The following TBC1D22A variants were observed in gnomAD, a reference collection of about 807,000 sequenced individuals.
The protein encoded by TBC1D22A is putative GTPase activator.
Under a neutral mutation model 60.2 loss-of-function variants are expected in TBC1D22A, and 38 were observed. The ratio of observed to expected loss-of-function variants is 0.63; its 90% CI spans 0.49 to 0.83. TBC1D22A has a LOEUF of 0.83. Among genes scored for constraint, TBC1D22A ranks in the 40% least tolerant of loss-of-function variants. TBC1D22A has a pLI of 0.00. For synonymous variants in TBC1D22A, 302 were observed against 281.7 expected (o/e 1.07, Z -0.72); for missense variants, 628 against 701.0 (o/e 0.90, Z 1.18).
chr22:47,115,792 A>G (rs749681020), intron 12 of TBC1D22A: 1 of 152,254 alleles, frequency 6.6e-6, no homozygotes, highest in African/African-American at 2.4e-5. Context: ...CCCACGCGGA[A>G]ACCTTCTGTG....
At chr22:46,854,334 C>T (rs532848243) in intron 4 of TBC1D22A, among the ~76,000 whole-genome samples, 10 of 152,278 alleles carry the variant, frequency 6.6e-5, no homozygotes, top group South Asian at 2.1e-4. Context: ...AACCAGTGCA[C>T]GGCGCAGACA....
chr22:46,796,662 G>A (rs912537415), intron 3 of TBC1D22A, among the ~76,000 whole-genome samples: 3 of 144,076 alleles, frequency 2.1e-5, no homozygotes, highest in Admixed American at 7.3e-5. Flanking sequence ...GGAACGTGCT[G>A]TCTCACCACC....
intron 8 of TBC1D22A, among the ~76,000 whole-genome samples, chr22:46,924,395 T>G (rs1204821127): frequency 1.3e-5 from 2 of 152,244 alleles, no homozygotes; most frequent in Non-Finnish European, 2.9e-5. Flanking sequence ...CATTTTCTCT[T>G]AAATTACTCT....
At position 47,153,760 on chromosome 22, in the gene TBC1D22A, GA is replaced by G. The variant is rs372575339; in HGVS notation, c.1426-19737del. On this transcript the variant is annotated intron_variant, in intron 12 of 12. Coordinates refer to ENST00000337137, the MANE Select transcript of TBC1D22A (RefSeq NM_014346.5). ...GCACAGGGCAAGGTCAGAGAAGAAG[GA>G]GAAGAAACTGGGGACGATGTCTGCA... Among the ~76,000 whole-genome samples the G allele has an allele frequency of 2.4e-3, 358 of 152,330 alleles. 2 individuals are homozygous for G. Among genetic ancestry groups the G allele is most frequent in the African/African-American group, 7.4e-3 (308 of 41,580 alleles).
At chr22:46,943,111 A>C (rs1252738789) in intron 8 of TBC1D22A, among the ~76,000 whole-genome samples, 9 of 152,166 alleles carry the variant, frequency 5.9e-5, no homozygotes, top group Admixed American at 5.9e-4. Flanking sequence ...AGAATTATGA[A>C]GGAGGAGAGA....
intron 9 of TBC1D22A, among the ~76,000 whole-genome samples, chr22:46,994,400 C>T (rs985111580): frequency 5.9e-5 from 9 of 152,172 alleles, no homozygotes; most frequent in African/African-American, 9.7e-5. Context: ...AACCCACCTT[C>T]GCCTCTCCCC....
intron 4 of TBC1D22A, among the ~76,000 whole-genome samples, chr22:46,843,566 A>G (rs1041181119): frequency 1.3e-5 from 2 of 152,012 alleles, no homozygotes; most frequent in Non-Finnish European, 2.9e-5. Flanking sequence ...CTTTACACCC[A>G]TCCAGCAAGT....
intron 11 of TBC1D22A, among the ~76,000 whole-genome samples, chr22:47,077,054 A>G (rs1212404712): frequency 2.6e-5 from 4 of 152,220 alleles, no homozygotes; most frequent in African/African-American, 7.2e-5. Context: ...TATTGGCAAA[A>G]TGTAATCACA....
At chr22:46,815,994 C>T (rs764328618) in intron 4 of TBC1D22A, among the ~76,000 whole-genome samples, 4 of 152,150 alleles carry the variant, frequency 2.6e-5, no homozygotes, top group Non-Finnish European at 4.4e-5. Context: ...CTCTGGGGAA[C>T]GAGAAGCAGA....
At chr22:46,837,314 C>T (rs948595075) in intron 4 of TBC1D22A, among the ~76,000 whole-genome samples, 1 of 152,158 alleles carries the variant, frequency 6.6e-6, no homozygotes, top group Admixed American at 6.5e-5. Flanking sequence ...TTCAGTACTG[C>T]ACTTTCAAAA....
intron 11 of TBC1D22A, among the ~76,000 whole-genome samples, chr22:47,070,648 C>T (rs1270253529): frequency 1.4e-5 from 2 of 142,150 alleles, no homozygotes; most frequent in African/African-American, 2.6e-5. Flanking sequence ...GCTGACCTGA[C>T]GGTTCCAGGC....
At chr22:46,789,752 T>A (rs2146870923) in intron 1 of TBC1D22A, among the ~76,000 whole-genome samples, 1 of 152,378 alleles carries the variant, frequency 6.6e-6, no homozygotes, top group African/African-American at 2.4e-5. Flanking sequence ...GAGAGGTTAC[T>A]GAATAAATGA....
intron 11 of TBC1D22A, among the ~76,000 whole-genome samples, chr22:47,083,835 C>G (rs2064571250): frequency 6.6e-6 from 1 of 152,224 alleles, no homozygotes; most frequent in South Asian, 2.1e-4. Flanking sequence ...TGAGATACTA[C>G]TGCACGCCCA....
intron 8 of TBC1D22A, among the ~76,000 whole-genome samples, chr22:46,962,020 A>C (rs1046906414): frequency 3.3e-5 from 5 of 152,190 alleles, no homozygotes; most frequent in Non-Finnish European, 2.9e-5. Context: ...CAGGTGGTTG[A>C]ACGTACACTT....
intron 11 of TBC1D22A, among the ~76,000 whole-genome samples, chr22:47,102,935 G>T (rs774169799): frequency 6.6e-6 from 1 of 152,112 alleles, no homozygotes; most frequent in Non-Finnish European, 1.5e-5. Context: ...TACCAATCAC[G>T]TGCTACTCAG....
At chr22:46,782,402 C>T (rs527878434) in intron 1 of TBC1D22A, among the ~76,000 whole-genome samples, 14 of 152,324 alleles carry the variant, frequency 9.2e-5, no homozygotes, top group Middle Eastern at 3.4e-3. Flanking sequence ...TCAGCCATCT[C>T]GAGCCTTCCC....
At chr22:46,845,093 G>C (rs2086931680) in intron 4 of TBC1D22A, among the ~76,000 whole-genome samples, 1 of 152,234 alleles carries the variant, frequency 6.6e-6, no homozygotes, top group African/African-American at 2.4e-5. Context: ...GCGGTTGCCT[G>C]TGCCAGGAGA....
At chr22:47,146,375 C>T (rs1031722605) in intron 12 of TBC1D22A, among the ~76,000 whole-genome samples, 3 of 152,306 alleles carry the variant, frequency 2.0e-5, no homozygotes, top group African/African-American at 7.2e-5. Context: ...CCTTTGATTA[C>T]AGTTGCTAGA....
chr22:47,163,268 G>A (rs1330704138), intron 12 of TBC1D22A, among the ~76,000 whole-genome samples: 6 of 152,234 alleles, frequency 3.9e-5, no homozygotes, highest in Non-Finnish European at 5.9e-5. Flanking sequence ...GGCATCCAGG[G>A]CAGAGGCCAT....
Sources: gnomAD v4.1 joint callset for allele counts (sites outside exome capture counted in the v4.1 genomes callset) on GRCh38, gnomAD v4.1.1 for gene constraint, MANE v1.5 for transcripts, NCBI Gene and HGNC (gene_info 2026-07-23, HGNC 2026-07-21) for gene names.